The following RBMS3 variants were observed in gnomAD, a reference collection of about 807,000 sequenced individuals.
The protein encoded by RBMS3 is RNA-binding motif, single-stranded-interacting protein 3.
In RBMS3, 27 loss-of-function variants were observed where a neutral mutation model predicts 66.8. The ratio of observed to expected loss-of-function variants is 0.40; its 90% CI spans 0.30 to 0.56. The LOEUF is 0.56. RBMS3 is among the 20% of genes least tolerant of loss of function. The pLI is 0.40. For missense variants in RBMS3, 513 were observed against 549.5 expected (o/e 0.93, Z 0.66); for synonymous variants, 188 against 183.0 (o/e 1.03, Z -0.22).
At chr3:29,968,811 A>G (rs1697036099) in intron 12 of RBMS3, among the ~76,000 whole-genome samples, 1 of 152,218 alleles carries the variant, frequency 6.6e-6, no homozygotes, top group South Asian at 2.1e-4. Context: ...TCACAGTGCA[A>G]GCCTCCGCAT....
intron 1 of RBMS3, among the ~76,000 whole-genome samples, chr3:29,321,077 AG>A (rs1355020107): frequency 6.6e-6 from 1 of 152,108 alleles, no homozygotes; most frequent in African/African-American, 2.4e-5. Context: ...TCACCTGCTC[AG>A]TTCATAGGGC....
At position 29,772,367 on chromosome 3, in the gene RBMS3, G is replaced by A. The variant is rs527430371; in HGVS notation, c.637+9378G>A. 8.5e-5 allele frequency among the ~76,000 whole-genome samples: 13 copies of A among 152,050 alleles called. No homozygotes were observed. The South Asian group carries it at 1.9e-3, about 22-fold the overall frequency. ...TACTAGTATAGAACTTGTATTCACCGACTATCATCCAGACTATTCCTATAT... is the reference window on the plus strand; with the variant it reads ...TACTAGTATAGAACTTGTATTCACCAACTATCATCCAGACTATTCCTATAT... On this transcript the variant is annotated intron_variant, in intron 6 of 14. Transcript: ENST00000383767.
At chr3:29,413,386 A>G (rs1022650983) in intron 1 of RBMS3, among the ~76,000 whole-genome samples, 2 of 145,212 alleles carry the variant, frequency 1.4e-5, no homozygotes, top group African/African-American at 5.0e-5. Flanking sequence ...ACATACATAC[A>G]TACATACATA....
chr3:29,595,421 G>GA (rs1559497245), intron 4 of RBMS3, among the ~76,000 whole-genome samples: 1 of 143,040 alleles, frequency 7.0e-6, no homozygotes, highest in South Asian at 2.2e-4. Flanking sequence ...AAAAAGAAAA[G>GA]AAAGAAAGAA....
chr3:29,634,374 T>A (rs534898112), intron 4 of RBMS3, among the ~76,000 whole-genome samples: 4 of 151,882 alleles, frequency 2.6e-5, no homozygotes, highest in Non-Finnish European at 4.4e-5. Context: ...TTAGTAACTT[T>A]ACAGACACAT....
intron 4 of RBMS3, among the ~76,000 whole-genome samples, chr3:29,711,555 A>G (rs1268323120): frequency 6.6e-6 from 1 of 152,116 alleles, no homozygotes; most frequent in Non-Finnish European, 1.5e-5. Flanking sequence ...GACATTAGAG[A>G]CCACCTAATC....
intron 12 of RBMS3, among the ~76,000 whole-genome samples, chr3:29,971,801 G>A (rs1338109602): frequency 6.6e-6 from 1 of 152,080 alleles, no homozygotes; most frequent in African/African-American, 2.4e-5. Context: ...TTCCCAATGG[G>A]GGACTGAAGC....
chr3:29,581,646 G>A (rs936442960), intron 3 of RBMS3, among the ~76,000 whole-genome samples: 1 of 152,156 alleles, frequency 6.6e-6, no homozygotes, highest in East Asian at 1.9e-4. Flanking sequence ...TGCTTTTTCT[G>A]TTTAGAAATC....
chr3:29,856,297 T>C (rs1486994017), intron 6 of RBMS3, among the ~76,000 whole-genome samples: 1 of 151,982 alleles, frequency 6.6e-6, no homozygotes, highest in African/African-American at 2.4e-5. Context: ...TTTGGTGGGG[T>C]GGGAAAAGCG....
At chr3:29,300,920 T>A (rs1320828747) in intron 1 of RBMS3, among the ~76,000 whole-genome samples, 1 of 151,822 alleles carries the variant, frequency 6.6e-6, no homozygotes, top group Non-Finnish European at 1.5e-5. Context: ...AAGTTAACAT[T>A]TAGGAAATCA....
intron 1 of RBMS3, among the ~76,000 whole-genome samples, chr3:29,392,917 G>GA (rs2039370670): frequency 6.7e-6 from 1 of 150,012 alleles, no homozygotes; most frequent in Non-Finnish European, 1.5e-5. Flanking sequence ...AAAAAAACAA[G>GA]AAAAAAAGGA....
At chr3:29,871,911 G>GA (rs1462745270) in intron 7 of RBMS3, among the ~76,000 whole-genome samples, 2 of 151,982 alleles carry the variant, frequency 1.3e-5, no homozygotes, top group Non-Finnish European at 2.9e-5. Flanking sequence ...ACTTCTTTAT[G>GA]AAAAAATCTA....
At chr3:29,812,191 G>T (rs564988317) in intron 6 of RBMS3, among the ~76,000 whole-genome samples, 24 of 152,074 alleles carry the variant, frequency 1.6e-4, no homozygotes, top group Non-Finnish European at 2.9e-4. Context: ...ATTGTTCCAA[G>T]AATGTGATAA....
At chr3:29,674,842 A>T (rs921754016) in intron 4 of RBMS3, among the ~76,000 whole-genome samples, 2 of 152,066 alleles carry the variant, frequency 1.3e-5, no homozygotes, top group African/African-American at 4.8e-5. Flanking sequence ...GGTAATTTAT[A>T]GATTAAATGC....
At chr3:29,934,464 A>T (rs1020339875) in intron 10 of RBMS3, among the ~76,000 whole-genome samples, 8 of 152,116 alleles carry the variant, frequency 5.3e-5, no homozygotes, top group South Asian at 2.1e-4. Flanking sequence ...AGTATTTTTT[A>T]AAAAAGGAAA....
chr3:29,899,791 A>G (rs781537087), intron 10 of RBMS3, 36 bp downstream of exon 10: 7 of 1,593,274 alleles, frequency 4.4e-6, no homozygotes, highest in Non-Finnish European at 6.0e-6. Context: ...TAATATTTCT[A>G]TTATCCAAGT....
At chr3:29,461,989 G>T (rs2042388393) in intron 2 of RBMS3, among the ~76,000 whole-genome samples, 1 of 142,368 alleles carries the variant, frequency 7.0e-6, no homozygotes, top group African/African-American at 2.6e-5. Flanking sequence ...TGTTAGCCAG[G>T]ATGGTCTCGA....
intron 12 of RBMS3, among the ~76,000 whole-genome samples, chr3:29,965,732 A>G (rs146507375): frequency 6.6e-6 from 1 of 152,216 alleles, no homozygotes; most frequent in African/African-American, 2.4e-5. Flanking sequence ...TCTTAGTTTA[A>G]TTAAGCCCAA....
At chr3:29,819,199 A>G (rs13068149) in intron 6 of RBMS3, among the ~76,000 whole-genome samples, 33,397 of 151,370 alleles carry the variant, frequency 0.22, 4,482 homozygotes, top group Non-Finnish European at 0.3. Context: ...GCAGGTTGTT[A>G]TTTCATTCCA....
Sources: gnomAD v4.1 joint callset for allele counts (sites outside exome capture counted in the v4.1 genomes callset) on GRCh38, gnomAD v4.1.1 for gene constraint, MANE v1.5 for transcripts, NCBI Gene and HGNC (gene_info 2026-07-23, HGNC 2026-07-21) for gene names.